CP: variants seen among roughly 807,000 people sequenced by gnomAD.
CP encodes caeruloplasmin.
A neutral mutation model predicts 122.4 loss-of-function variants in CP; 64 were observed. The observed-to-expected ratio is 0.52, with a 90% CI of 0.43 to 0.64. The LOEUF is 0.64. Ranked by LOEUF, CP falls within the 30% of genes least tolerant of loss-of-function variation. CP has a pLI of 0.00. For missense variants in CP, 1,167 were observed against 1,284.4 expected (o/e 0.91, Z 1.40); for synonymous variants, 440 against 436.4 (o/e 1.01, Z -0.10).
intron 6 of CP, among the ~76,000 whole-genome samples, chr3:149,204,294 C>A (rs996861450): frequency 2.6e-5 from 4 of 152,298 alleles, no homozygotes; most frequent in African/African-American, 9.6e-5. Flanking sequence ...AAATACAAGA[C>A]TGCAGTAGGG....
intron 5 of CP, among the ~76,000 whole-genome samples, chr3:149,206,796 G>A (rs1334548646): frequency 1.3e-5 from 2 of 152,120 alleles, no homozygotes; most frequent in Non-Finnish European, 2.9e-5. Context: ...GCCTTCTGTG[G>A]CCCAGAGCAT....
At chr3:149,201,044 T>C (rs940761583) in intron 7 of CP, among the ~76,000 whole-genome samples, 1 of 152,214 alleles carries the variant, frequency 6.6e-6, no homozygotes, top group African/African-American at 2.4e-5. Context: ...GTCTCTGGAC[T>C]CTGGCTGGGG....
chr3:149,203,693 TC>T (rs1187593204), intron 6 of CP, among the ~76,000 whole-genome samples: 4 of 152,214 alleles, frequency 2.6e-5, no homozygotes, highest in African/African-American at 9.6e-5. Context: ...GCCACCTCAT[TC>T]ATCATTTCTT....
downstream of CP, chr3:149,170,384 A>C (rs890695496): frequency 6.6e-6 from 1 of 152,160 alleles, no homozygotes; most frequent in African/African-American, 2.4e-5. Context: ...AATAATTCAT[A>C]TTTTTCACAT....
chr3:149,178,149 C>T (rs1030938521), intron 16 of CP, among the ~76,000 whole-genome samples, 170 bp from the exon 17 acceptor site: 1 of 152,124 alleles, frequency 6.6e-6, no homozygotes, highest in South Asian at 2.1e-4. Context: ...TATCACATTG[C>T]TTTTCTAGGC....
chr3:149,176,470 C>T, intron 17 of CP, 58 bp from the exon 18 acceptor site: 4 of 1,337,484 alleles, frequency 3.0e-6, no homozygotes, highest in African/African-American at 1.4e-5. Context: ...TCACTCATGT[C>T]ATTTGTTAAT....
chr3:149,170,541 TG>T (rs1327034223), downstream of CP: 1 of 152,158 alleles, frequency 6.6e-6, no homozygotes, highest in Non-Finnish European at 1.5e-5. Context: ...ACCTAGGACT[TG>T]GAAGATTAAG....
intron 4 of CP, chr3:149,167,314 C>T: frequency 5.1e-6 from 6 of 1,166,810 alleles, no homozygotes; most frequent in Non-Finnish European, 7.5e-6. Context: ...TCCTTTCCTG[C>T]AAAATGGGGA....
intron 5 of CP, among the ~76,000 whole-genome samples, chr3:149,165,373 T>G (rs1038991522): frequency 6.6e-6 from 1 of 152,210 alleles, no homozygotes; most frequent in Non-Finnish European, 1.5e-5. Flanking sequence ...AAATTTGTTT[T>G]AAAATATTTT....
chr3:149,186,806 G>T, intron 10 of CP, 74 bp from the exon 11 acceptor site: 1 of 1,410,176 alleles, frequency 7.1e-7, no homozygotes, highest in South Asian at 1.2e-5. Flanking sequence ...GACTTTCCAG[G>T]ACCAACTTTG....
Position 149,177,879 on chromosome 3 carries a change from T to C in CP, c.2979A>G (p.Leu993=). 6.2e-7 allele frequency: 1 copy of C among 1,613,804 alleles called. No individual in the cohort carries two copies. ...YLMGMGNEID[L]HTVHFHGHSF... is the part of the protein sequence containing the mutation. Reference sequence around the variant, plus strand: ...TATGGCCGTGAAAATGTACAGTGTGTAAGTCTATTTCATTGCCCATTCCCA... The same window carrying C: ...TATGGCCGTGAAAATGTACAGTGTGCAAGTCTATTTCATTGCCCATTCCCA... Residue 993 remains leucine, a synonymous_variant, in exon 17 of 19, where the codon TTA becomes TTG. Transcript: ENST00000264613.
rs560614229 is a variant in CP, at chr3:149,189,813, A to G, written c.1714-1611T>C. On this transcript the variant is annotated intron_variant, in intron 9 of 18. Transcript: ENST00000264613. ...AAATATTTTCAGGTCATGTTTTCTGATCATAATGCAATAAAATTAAAAATT... is the reference window on the plus strand; with the variant it reads ...AAATATTTTCAGGTCATGTTTTCTGGTCATAATGCAATAAAATTAAAAATT... Among the ~76,000 whole-genome samples, 8 of 152,300 alleles carry G rather than the reference A, an allele frequency of 5.3e-5. No homozygotes were observed. The East Asian group carries it at 1.5e-3, about 29-fold the overall frequency.
chr3:149,180,518 A>G (rs1475057296), intron 14 of CP, among the ~76,000 whole-genome samples: 1 of 152,038 alleles, frequency 6.6e-6, no homozygotes, highest in East Asian at 1.9e-4. Context: ...TTTCCATCCC[A>G]TTTATTTAGA....
intron 9 of CP, 101 bp from the exon 10 acceptor site, chr3:149,188,303 T>G: frequency 2.0e-6 from 2 of 1,016,610 alleles, no homozygotes; most frequent in Middle Eastern, 2.4e-4. Flanking sequence ...AAGGAAAGAA[T>G]GAGAACAGAA....
intron 9 of CP, among the ~76,000 whole-genome samples, chr3:149,189,377 C>CTGG (rs1726391591): frequency 2.0e-5 from 3 of 151,700 alleles, no homozygotes; most frequent in African/African-American, 7.3e-5. Context: ...CATGTGAAAC[C>CTGG]CCGTCTCTAC....
At chr3:149,173,753 AC>A in intron 18 of CP, 23 bp from the exon 19 acceptor site, 1 of 1,240,978 alleles carries the variant, frequency 8.1e-7, no homozygotes, top group Non-Finnish European at 1.1e-6. Flanking sequence ...AAATTTTAAG[AC>A]CATTATTAAA....
In CP at chr3:149,212,431, G is replaced by A. The variant is rs17847023; in HGVS notation, c.394+20C>T. On this transcript the variant is annotated intron_variant, in intron 2 of 18. Transcript: ENST00000264613. ...TACTGAAAAGTAAGAGGAAATTCCA[G>A]CTACATGAGCTGAACTTACCCTCAT... 0.1 allele frequency: 162,830 copies of A among 1,612,644 alleles called. 10,852 individuals are homozygous for A. Among genetic ancestry groups the A allele is most frequent in the East Asian group, 0.36 (16,214 of 44,780 alleles).
At chr3:149,211,562 G>T in intron 2 of CP, among the ~76,000 whole-genome samples, 1 of 152,156 alleles carries the variant, frequency 6.6e-6, no homozygotes, top group East Asian at 1.9e-4. Context: ...CTATTTTCAA[G>T]GCTTCCAAGT....
At position 149,210,193 on chromosome 3, in the gene CP, A is replaced by G. The variant is rs758969882; in HGVS notation, c.581T>C (p.Ile194Thr). The stretch of plus-strand genomic sequence containing the variant: ...TTTTTTACAGATTATTAAAGGTCCG[A>G]TGAGTCCTGAGGCAATATCTTTTGG... ...DAPKDIASGL[I>T]GPLIICKKDS... Residue 194 changes from isoleucine (I) to threonine (T), a missense_variant, in exon 3 of 19, where the codon ATC (isoleucine) becomes ACC (threonine). Ile to Thr is a moderately conservative substitution (Grantham distance 89). Coordinates refer to ENST00000264613, the MANE Select transcript of CP (RefSeq NM_000096.4). 2.5e-6 allele frequency: 4 copies of G among 1,614,052 alleles called. No individual in the cohort carries two copies. The highest frequency in any genetic ancestry group is 2.5e-6 in the Non-Finnish European group (3 of 1,179,918).
Sources: gnomAD v4.1 joint callset for allele counts (sites outside exome capture counted in the v4.1 genomes callset) on GRCh38, gnomAD v4.1.1 for gene constraint, MANE v1.5 for transcripts, NCBI Gene and HGNC (gene_info 2026-07-23, HGNC 2026-07-21) for gene names.